The following EHMT1 variants were observed in gnomAD, a reference collection of about 807,000 sequenced individuals.
The protein encoded by EHMT1 is histone-lysine N-methyltransferase EHMT1.
Under a neutral mutation model 147.2 loss-of-function variants are expected in EHMT1, and 15 were observed. The ratio of observed to expected loss-of-function variants is 0.10; its 90% CI spans 0.07 to 0.16. EHMT1 has a LOEUF of 0.16. Ranked by LOEUF, EHMT1 falls within the 10% of genes least tolerant of loss-of-function variation. The pLI, the probability that EHMT1 is intolerant of heterozygous loss-of-function variation, is 1.00. For synonymous variants in EHMT1, 795 were observed against 709.6 expected, an observed-to-expected ratio of 1.12 and a Z score of -1.91; for missense variants, 1,587 against 1,772.4, an observed-to-expected ratio of 0.90 and a Z score of 1.88.
intron 24 of EHMT1, 129 bp downstream of exon 24, chr9:137,817,654 C>G: frequency 8.4e-7 from 1 of 1,183,930 alleles, no homozygotes; most frequent in Non-Finnish European, 1.2e-6. Context: ...GGGGTGGGGG[C>G]CACAGAGACC....
chr9:137,623,136 C>T (rs1411195423), intron 1 of EHMT1, among the ~76,000 whole-genome samples: 1 of 151,488 alleles, frequency 6.6e-6, no homozygotes, highest in Non-Finnish European at 1.5e-5. Flanking sequence ...GGGCGTGAAC[C>T]CGGGAGGTGG....
chr9:137,762,261 ATT>A (rs11405067), intron 9 of EHMT1, among the ~76,000 whole-genome samples: 1 of 147,422 alleles, frequency 6.8e-6, no homozygotes, highest in African/African-American at 2.5e-5. Flanking sequence ...TTCCAAACTG[ATT>A]TTTTTTTTTT....
At chr9:137,678,894 G>A (rs1338729925) in intron 1 of EHMT1, among the ~76,000 whole-genome samples, 1 of 152,102 alleles carries the variant, frequency 6.6e-6, no homozygotes, top group Non-Finnish European at 1.5e-5. Flanking sequence ...GCCAGAGTTA[G>A]CATGCTACTC....
At chr9:137,627,151 G>T (rs1313976126) in intron 1 of EHMT1, among the ~76,000 whole-genome samples, 1 of 151,800 alleles carries the variant, frequency 6.6e-6, no homozygotes, top group Non-Finnish European at 1.5e-5. Context: ...TAGAGACAGG[G>T]TTTCACCATG....
intron 18 of EHMT1, among the ~76,000 whole-genome samples, chr9:137,805,612 T>C (rs189889377): frequency 3.5e-4 from 54 of 152,344 alleles, no homozygotes; most frequent in Middle Eastern, 3.4e-3. Context: ...CACATATATA[T>C]GTTCTGAACA....
At chr9:137,740,903 A>G (rs1482588345) in intron 4 of EHMT1, among the ~76,000 whole-genome samples, 1 of 133,176 alleles carries the variant, frequency 7.5e-6, no homozygotes, top group Non-Finnish European at 1.6e-5. Flanking sequence ...CCCGGGTTCA[A>G]GTGATTCACC....
intron 22 of EHMT1, 160 bp from the exon 23 acceptor site, chr9:137,815,787 A>C: frequency 1.4e-6 from 1 of 699,292 alleles, no homozygotes. Context: ...CAAACCGTAC[A>C]CATGGAGTTT....
intron 10 of EHMT1, among the ~76,000 whole-genome samples, chr9:137,765,632 A>AC (rs1244274483): frequency 6.8e-6 from 1 of 147,882 alleles, no homozygotes; most frequent in South Asian, 2.2e-4. Context: ...GCGGAGCCTG[A>AC]CCCCCCAGCC....
At chr9:137,703,581 T>C (rs1235229971) in intron 1 of EHMT1, among the ~76,000 whole-genome samples, 1 of 152,208 alleles carries the variant, frequency 6.6e-6, no homozygotes, top group African/African-American at 2.4e-5. Context: ...CAGTGCCGCC[T>C]GTCTCTTTGC....
intron 22 of EHMT1, chr9:137,815,606 T>C: frequency 2.6e-6 from 1 of 381,866 alleles, no homozygotes; most frequent in Non-Finnish European, 5.0e-6. Context: ...CCCAACCAGC[T>C]GAAGAAAGCA....
chr9:137,689,044 TC>T (rs745576145), intron 1 of EHMT1, among the ~76,000 whole-genome samples: 2 of 152,118 alleles, frequency 1.3e-5, no homozygotes, highest in South Asian at 2.1e-4. Flanking sequence ...TTGTTCTGCA[TC>T]CCCCAGGAGT....
In EHMT1 at chr9:137,835,998, A is replaced by G. The variant is rs1358416635; in HGVS notation, c.*1045A>G. ...TTTTTTGTGCAACTCTTCTAAAAAC[A>G]TTCATAATGCAGTCATGTTTATTTT... is the stretch of plus-strand genomic sequence containing the variant. On this transcript the variant is annotated 3_prime_UTR_variant, in exon 27 of 27. Transcript: ENST00000460843. 1.3e-5 allele frequency: 2 copies of G among 152,630 alleles called. No individual in the cohort carries two copies. The highest frequency in any genetic ancestry group is 2.4e-5 in the African/African-American group (1 of 41,454). 9.5% of individuals were successfully genotyped at this position (152,630 alleles called of 1,614,324 possible).
intron 1 of EHMT1, among the ~76,000 whole-genome samples, chr9:137,622,817 G>A (rs1589015255): frequency 6.6e-6 from 1 of 151,708 alleles, no homozygotes; most frequent in East Asian, 1.9e-4. Flanking sequence ...TGAGGTGGGA[G>A]GATCGCTTGA....
At chr9:137,694,523 CTTG>C (rs1943237344) in intron 1 of EHMT1, among the ~76,000 whole-genome samples, 1 of 151,950 alleles carries the variant, frequency 6.6e-6, no homozygotes, top group Non-Finnish European at 1.5e-5. Flanking sequence ...GGTCGGCAGT[CTTG>C]TTGGTCAGCA....
At chr9:137,657,513 A>G (rs920485069) in intron 1 of EHMT1, among the ~76,000 whole-genome samples, 3 of 145,900 alleles carry the variant, frequency 2.1e-5, no homozygotes, top group African/African-American at 7.7e-5. Flanking sequence ...TTTTTTTTTT[A>G]ATAAAAATTT....
chr9:137,807,632 C>T (rs981509143), intron 18 of EHMT1, among the ~76,000 whole-genome samples: 3 of 152,142 alleles, frequency 2.0e-5, no homozygotes, highest in South Asian at 2.1e-4. Context: ...CTCAGCCTCC[C>T]GAGTAACTGG....
intron 6 of EHMT1, chr9:137,745,701 G>A (rs144794631): frequency 5.0e-6 from 2 of 396,094 alleles, no homozygotes; most frequent in Non-Finnish European, 4.4e-6. Flanking sequence ...GCTGTGTTAC[G>A]CTCTTTCTGT....
chr9:137,685,426 A>G (rs1043161811), intron 1 of EHMT1: 3 of 152,234 alleles, frequency 2.0e-5, no homozygotes, highest in Non-Finnish European at 4.4e-5. Context: ...TGTAGCAGGT[A>G]TCAGAACCCA....
rs781380107 is a variant in EHMT1 at position 137,675,779 on chromosome 9, AT to A, written c.22-35165del. 4.9e-3 allele frequency among the ~76,000 whole-genome samples: 473 copies of A among 95,744 alleles called. 3 individuals are homozygous for A. The highest frequency in any genetic ancestry group is 7.2e-3 in the Non-Finnish European group (358 of 49,848). The allele number at this position is 95,744 out of a possible 152,430, so 62.8% of individuals were successfully genotyped here. On this transcript the variant is annotated intron_variant, in intron 1 of 26. Coordinates refer to ENST00000460843, the MANE Select transcript of EHMT1 (RefSeq NM_024757.5). ...GGCGTGCACCAACCACGCCCGGCTA[AT>A]TTTTTTTTTTTTTTTTTTTTTTAGA...
Sources: allele counts gnomAD v4.1 joint callset (sites outside exome capture counted in the v4.1 genomes callset), GRCh38; gene constraint gnomAD v4.1.1; transcripts MANE v1.5; gene names NCBI Gene and HGNC (gene_info 2026-07-23, HGNC 2026-07-21).